The following ADCY5 variants were observed in gnomAD, a reference collection of about 807,000 sequenced individuals.
ADCY5 encodes adenylate cyclase 5, also known as adenylate cyclase type 5.
In ADCY5, 30 loss-of-function variants were observed where a neutral mutation model predicts 119.7. The ratio of observed to expected loss-of-function variants is 0.25; its 90% CI spans 0.19 to 0.34. The LOEUF (loss-of-function observed/expected upper bound fraction) is 0.34, where lower values mean the gene tolerates loss of function less well. ADCY5 is among the 10% of genes least tolerant of loss of function. ADCY5 has a pLI of 1.00. For missense variants in ADCY5, 1,324 were observed against 1,775.2 expected (o/e 0.75, Z 4.57); for synonymous variants, 753 against 762.2 (o/e 0.99, Z 0.20).
intron 19 of ADCY5, among the ~76,000 whole-genome samples, chr3:123,287,426 A>G (rs923804698): frequency 1.3e-5 from 2 of 152,132 alleles, no homozygotes; most frequent in African/African-American, 4.8e-5. Flanking sequence ...TCCCCAGGCT[A>G]AATCCTGCCC....
At chr3:123,325,802 T>C (rs893772248) in intron 7 of ADCY5, among the ~76,000 whole-genome samples, 11 of 152,250 alleles carry the variant, frequency 7.2e-5, no homozygotes, top group Non-Finnish European at 1.3e-4. Context: ...CTGGGTGCCC[T>C]TCTCTCCTCT....
chr3:123,336,537 GA>G (rs1423658975), intron 3 of ADCY5, among the ~76,000 whole-genome samples: 1 of 152,198 alleles, frequency 6.6e-6, no homozygotes, highest in Non-Finnish European at 1.5e-5. Context: ...CCCGGGGTAG[GA>G]AGGAAAAAGT....
chr3:123,420,661 G>A (rs574146269), intron 1 of ADCY5, among the ~76,000 whole-genome samples: 9 of 152,182 alleles, frequency 5.9e-5, no homozygotes, highest in Non-Finnish European at 1.3e-4. Flanking sequence ...TGTCCCTGGG[G>A]GGTAACAAGC....
chr3:123,339,525 T>A (rs1003648080), intron 3 of ADCY5, among the ~76,000 whole-genome samples: 1 of 152,202 alleles, frequency 6.6e-6, no homozygotes, highest in Non-Finnish European at 1.5e-5. Flanking sequence ...GGACACAGAA[T>A]GCCTGCACAA....
rs543180991 is a variant in ADCY5 at position 123,311,828 on chromosome 3, G to A, written c.2442+2407C>T. ...TTTGTGTGGCCTGGGGGTAGAGGGCGGGTATTCCATCCACCGGCCCCTCCC... is the reference window on the plus strand; with the variant it reads ...TTTGTGTGGCCTGGGGGTAGAGGGCAGGTATTCCATCCACCGGCCCCTCCC... On this transcript the variant is annotated intron_variant, in intron 12 of 20. Coordinates refer to ENST00000462833, the MANE Select transcript of ADCY5 (RefSeq NM_183357.3). Among the ~76,000 whole-genome samples, 400 of 152,238 alleles carry A rather than the reference G, an allele frequency of 2.6e-3. 4 individuals carry two copies. The highest frequency in any genetic ancestry group is 2.6e-3 in the Non-Finnish European group (174 of 68,022).
At chr3:123,330,547 T>C (rs1941712866) in intron 5 of ADCY5, among the ~76,000 whole-genome samples, 1 of 152,124 alleles carries the variant, frequency 6.6e-6, no homozygotes, top group African/African-American at 2.4e-5. Context: ...TGGCTGGGTG[T>C]CTGTAGGAAA....
intron 1 of ADCY5, among the ~76,000 whole-genome samples, chr3:123,422,822 C>G (rs1945326652): frequency 6.6e-6 from 1 of 152,178 alleles, no homozygotes; most frequent in South Asian, 2.1e-4. Context: ...AGGCCTGTGG[C>G]CATTTCAGGG....
At chr3:123,317,024 C>A (rs563424828) in intron 11 of ADCY5, among the ~76,000 whole-genome samples, 2 of 111,850 alleles carry the variant, frequency 1.8e-5, no homozygotes, top group African/African-American at 5.5e-5. Flanking sequence ...TATACATATA[C>A]GTATATGTAT....
At chr3:123,405,977 G>C (rs67946200) in intron 1 of ADCY5, among the ~76,000 whole-genome samples, 36,530 of 152,054 alleles carry the variant, frequency 0.24, 4,748 homozygotes, top group Middle Eastern at 0.36. Flanking sequence ...CTGGGGTCTC[G>C]CTGACCCTGG....
At chr3:123,314,140 C>CGGGCCCCTTCACATTTT (rs1559798199) in intron 12 of ADCY5, 95 bp downstream of exon 12, 1 of 945,506 alleles carries the variant, frequency 1.1e-6, no homozygotes, top group East Asian at 2.6e-5. Context: ...GCACAATACT[C>CGGGCCCCTTCACATTTT]GGGCCCCTTC....
At chr3:123,365,623 G>A (rs1303429769) in intron 1 of ADCY5, among the ~76,000 whole-genome samples, 1 of 152,294 alleles carries the variant, frequency 6.6e-6, no homozygotes, top group East Asian at 1.9e-4. Context: ...GGAGTGAGTG[G>A]GTTATGAGTA....
intron 1 of ADCY5, among the ~76,000 whole-genome samples, chr3:123,379,195 C>T (rs1943944675): frequency 1.3e-5 from 2 of 152,102 alleles, no homozygotes; most frequent in African/African-American, 2.4e-5. Context: ...CACTTCACTC[C>T]CCCACCCACA....
At chr3:123,359,366 A>C (rs1943164378) in intron 1 of ADCY5, among the ~76,000 whole-genome samples, 1 of 137,964 alleles carries the variant, frequency 7.2e-6, no homozygotes, top group Non-Finnish European at 1.6e-5. Context: ...ATATATATTC[A>C]TTATTTATCT....
At chr3:123,441,980 G>GAAAAA (rs11382207) in intron 1 of ADCY5, among the ~76,000 whole-genome samples, 4 of 139,182 alleles carry the variant, frequency 2.9e-5, no homozygotes, top group Non-Finnish European at 4.6e-5. Context: ...CTTAAGGAAG[G>GAAAAA]AAAAAAAAAA....
chr3:123,325,242 C>T, intron 8 of ADCY5, 80 bp downstream of exon 8: 1 of 1,528,480 alleles, frequency 6.5e-7, no homozygotes, highest in Non-Finnish European at 8.9e-7. Context: ...CAACACGAGG[C>T]ATCTGGTGCG....
At chr3:123,395,978 AG>A (rs1944533007) in intron 1 of ADCY5, among the ~76,000 whole-genome samples, 6 of 110,792 alleles carry the variant, frequency 5.4e-5, no homozygotes, top group African/African-American at 1.8e-4. Flanking sequence ...GAAGAAAGGA[AG>A]GAAAGAAAGA....
At chr3:123,293,881 T>A (rs185182333) in intron 17 of ADCY5, among the ~76,000 whole-genome samples, 1 of 152,264 alleles carries the variant, frequency 6.6e-6, no homozygotes, top group Admixed American at 6.5e-5. Flanking sequence ...AACACCACTC[T>A]CTACTACTAA....
At position 123,302,641 on chromosome 3, in the gene ADCY5, T is replaced by C. The variant is rs79112959; in HGVS notation, c.2724+414A>G. The stretch of plus-strand genomic sequence containing the variant: ...TCTGTCTGGAGCTGGACAACTTGAA[T>C]GAGAGCTCCAGCTCTGTTGAGTCCT... On this transcript the variant is annotated intron_variant, in intron 14 of 20. Transcript: ENST00000462833. 2.7e-3 allele frequency among the ~76,000 whole-genome samples: 411 copies of C among 152,302 alleles called. 4 individuals are homozygous for C. Among genetic ancestry groups the C allele is most frequent in the African/African-American group, 9.2e-3 (381 of 41,558 alleles).
chr3:123,393,264 G>C (rs766392770), intron 1 of ADCY5, among the ~76,000 whole-genome samples: 1 of 152,122 alleles, frequency 6.6e-6, no homozygotes, highest in Non-Finnish European at 1.5e-5. Context: ...ATAAAATGAG[G>C]GTGTTGGCCG....
Sources: allele counts gnomAD v4.1 joint callset (sites outside exome capture counted in the v4.1 genomes callset), GRCh38; gene constraint gnomAD v4.1.1; transcripts MANE v1.5; gene names NCBI Gene and HGNC (gene_info 2026-07-23, HGNC 2026-07-21).